The following DOCK4 variants were observed in gnomAD, a reference collection of about 807,000 sequenced individuals.
DOCK4 encodes dedicator of cytokinesis 4.
In DOCK4, 97 loss-of-function variants were observed where a neutral mutation model predicts 268.1. That is an observed-to-expected ratio of 0.36 (90% CI 0.31 to 0.43). The LOEUF (loss-of-function observed/expected upper bound fraction) is 0.43. DOCK4 is among the 20% of genes least tolerant of loss of function. The pLI is 1.00. For synonymous variants in DOCK4, 954 were observed against 887.2 expected (o/e 1.08, Z -1.34); for missense variants, 2,145 against 2,455.7 (o/e 0.87, Z 2.67).
At chr7:111,794,709 T>C (rs1346253979) in intron 30 of DOCK4, among the ~76,000 whole-genome samples, 1 of 152,140 alleles carries the variant, frequency 6.6e-6, no homozygotes, top group Admixed American at 6.5e-5. Flanking sequence ...CAACTCTAGG[T>C]GGTAGGAACT....
chr7:112,195,453 G>A (rs1034189087), intron 1 of DOCK4, among the ~76,000 whole-genome samples: 3 of 152,050 alleles, frequency 2.0e-5, no homozygotes, highest in Admixed American at 1.3e-4. Flanking sequence ...TTGGGTTTTC[G>A]TATTTCTTTG....
At chr7:112,087,082 C>T (rs1209821649) in intron 1 of DOCK4, among the ~76,000 whole-genome samples, 3 of 152,082 alleles carry the variant, frequency 2.0e-5, no homozygotes, top group African/African-American at 7.2e-5. Context: ...GGGCAGCTCA[C>T]CAGGCTAGGG....
intron 1 of DOCK4, among the ~76,000 whole-genome samples, chr7:112,150,551 T>C (rs1392571599): frequency 2.6e-5 from 4 of 152,198 alleles, no homozygotes; most frequent in South Asian, 2.1e-4. Flanking sequence ...AAGTCAATCC[T>C]GGTCTGCTTT....
intron 36 of DOCK4, among the ~76,000 whole-genome samples, chr7:111,777,860 C>A (rs1469986084): frequency 6.6e-6 from 1 of 152,192 alleles, no homozygotes; most frequent in Non-Finnish European, 1.5e-5. Flanking sequence ...TTGCCTTTCA[C>A]CATGATTGTG....
At chr7:111,945,576 G>C in intron 9 of DOCK4, 141 bp downstream of exon 9, 1 of 667,242 alleles carries the variant, frequency 1.5e-6, no homozygotes, top group Non-Finnish European at 2.5e-6. Context: ...CAGAATTCTG[G>C]GCACTAATGT....
chr7:112,107,712 A>G (rs919254), intron 1 of DOCK4, among the ~76,000 whole-genome samples: 13,091 of 152,264 alleles, frequency 0.086, 1,816 homozygotes, highest in African/African-American at 0.29. Context: ...GATGAGCCCT[A>G]GAGATGCGTA....
chr7:112,029,764 C>T (rs915882267), intron 1 of DOCK4, among the ~76,000 whole-genome samples: 28 of 152,284 alleles, frequency 1.8e-4, no homozygotes, highest in African/African-American at 5.8e-4. Flanking sequence ...GATACTAATT[C>T]GAACCAATCT....
chr7:112,028,869 C>T (rs1803029655), intron 1 of DOCK4, among the ~76,000 whole-genome samples: 1 of 152,194 alleles, frequency 6.6e-6, no homozygotes, highest in East Asian at 1.9e-4. Flanking sequence ...TCCTACTGCT[C>T]AAACCTGCTC....
At chr7:111,856,834 G>A (rs1805051533) in intron 23 of DOCK4, among the ~76,000 whole-genome samples, 1 of 152,086 alleles carries the variant, frequency 6.6e-6, no homozygotes, top group Non-Finnish European at 1.5e-5. Flanking sequence ...GAGGTCCCAG[G>A]TAGTTTTTGA....
intron 1 of DOCK4, among the ~76,000 whole-genome samples, chr7:112,153,699 A>C (rs1055569974): frequency 2.1e-4 from 32 of 152,268 alleles, no homozygotes; most frequent in African/African-American, 7.7e-4. Flanking sequence ...ACATTATTCC[A>C]ACTAGAAAAT....
intron 1 of DOCK4, among the ~76,000 whole-genome samples, chr7:112,195,454 T>G (rs2116831927): frequency 6.6e-6 from 1 of 152,306 alleles, no homozygotes; most frequent in African/African-American, 2.4e-5. Context: ...TGGGTTTTCG[T>G]ATTTCTTTGA....
At position 111,727,952 on chromosome 7, in the gene DOCK4, T is replaced by C. The variant is rs905628186; in HGVS notation, c.*322A>G. ...ACAACATTGTCACACATTGTATCGTTTGACAATATCGTATTGGTTTTAAGA... is the reference window on the plus strand; with the variant it reads ...ACAACATTGTCACACATTGTATCGTCTGACAATATCGTATTGGTTTTAAGA... On this transcript the variant is annotated 3_prime_UTR_variant, in exon 53 of 53. Transcript: ENST00000428084. 8 of 240,684 alleles carry C rather than the reference T, an allele frequency of 3.3e-5. No homozygotes were observed. The highest frequency in any genetic ancestry group is 1.8e-4 in the African/African-American group (8 of 44,820). The allele number at this position is 240,684 out of a possible 1,614,324, so 14.9% of individuals were successfully genotyped here.
intron 11 of DOCK4, among the ~76,000 whole-genome samples, chr7:111,938,260 T>C (rs1405916018): frequency 6.6e-6 from 1 of 152,198 alleles, no homozygotes; most frequent in Non-Finnish European, 1.5e-5. Context: ...ATTGAATGTG[T>C]TACATAGGTC....
chr7:111,923,149 C>A lies in DOCK4; in HGVS notation c.1067-7245G>T, dbSNP rs7790109. Among the ~76,000 whole-genome samples, 1,273 of 152,212 alleles carry A rather than the reference C, an allele frequency of 8.4e-3. 21 individuals are homozygous for A. The highest frequency in any genetic ancestry group is 0.03 in the African/African-American group (1,233 of 41,510). On this transcript the variant is annotated intron_variant, in intron 12 of 52. Transcript: ENST00000428084. ...ATAACAATCATTTAGATACCATTTA[C>A]ATTGTATTAGGTATTATACATAAGC...
At chr7:111,899,660 C>T (rs916864366) in intron 15 of DOCK4, among the ~76,000 whole-genome samples, 7 of 152,178 alleles carry the variant, frequency 4.6e-5, no homozygotes, top group African/African-American at 1.2e-4. Context: ...TGGTGGCTCA[C>T]GCCTATAATC....
chr7:112,001,915 C>G (rs558824848), intron 2 of DOCK4, among the ~76,000 whole-genome samples: 5 of 152,156 alleles, frequency 3.3e-5, no homozygotes, highest in African/African-American at 1.2e-4. Flanking sequence ...TTTTGCAGCA[C>G]TATCCTTACA....
chr7:111,824,948 T>C (rs560949622), intron 26 of DOCK4, among the ~76,000 whole-genome samples: 1 of 152,236 alleles, frequency 6.6e-6, no homozygotes, highest in Non-Finnish European at 1.5e-5. Flanking sequence ...AAACCAAACA[T>C]ATTCAACAGT....
chr7:111,918,633 C>G (rs1792829226), intron 12 of DOCK4, among the ~76,000 whole-genome samples: 1 of 152,190 alleles, frequency 6.6e-6, no homozygotes, highest in African/African-American at 2.4e-5. Flanking sequence ...CCCACCTAAT[C>G]ATGGGTGTCT....
chr7:111,863,581 C>A lies in DOCK4; in HGVS notation c.2281-17G>T. On this transcript the variant is annotated splice_polypyrimidine_tract_variant and intron_variant, in intron 22 of 52. Coordinates refer to ENST00000428084, the MANE Select transcript of DOCK4 (RefSeq NM_001363540.2). ...AAACACAGCCTTAAAAAGAAGAAGA[C>A]ATTTAAATCAACTCCCAGATACGCC... 1 of 1,576,574 alleles carries A rather than the reference C, an allele frequency of 6.3e-7. No individual in the cohort carries two copies. The highest frequency in any genetic ancestry group is 8.6e-7 in the Non-Finnish European group (1 of 1,159,120).
Sources: allele counts gnomAD v4.1 joint callset (sites outside exome capture counted in the v4.1 genomes callset), GRCh38; gene constraint gnomAD v4.1.1; transcripts MANE v1.5; gene names NCBI Gene and HGNC (gene_info 2026-07-23, HGNC 2026-07-21).